PTPN5: variants seen among roughly 807,000 people sequenced by gnomAD.
The protein encoded by PTPN5 is protein tyrosine phosphatase non-receptor type 5, also known as tyrosine-protein phosphatase non-receptor type 5.
A neutral mutation model predicts 73.9 loss-of-function variants in PTPN5; 29 were observed. That is an observed-to-expected ratio of 0.39 (90% confidence interval 0.29 to 0.54). The LOEUF is 0.54. Among genes scored for constraint, PTPN5 ranks in the 20% least tolerant of loss-of-function variants. The probability of loss-of-function intolerance (pLI) is 0.65; values close to 1 mark genes in which losing one functional copy is unlikely to be tolerated. For missense variants in PTPN5, 652 were observed against 751.4 expected (o/e 0.87, Z 1.55); for synonymous variants, 267 against 304.7 (o/e 0.88, Z 1.29).
At chr11:18,756,505 C>G (rs12363243) in intron 3 of PTPN5, among the ~76,000 whole-genome samples, 47,567 of 151,566 alleles carry the variant, frequency 0.31, 8,966 homozygotes, top group Admixed American at 0.47. Context: ...CCATGTTGGC[C>G]AGGCTGGTCT....
chr11:18,729,099 TGGAGTAGCAATCACTTGCCA>T lies in PTPN5; in HGVS notation c.1605-92_1605-73del. On this transcript the variant is annotated intron_variant, in intron 14 of 14. Coordinates refer to ENST00000358540, the MANE Select transcript of PTPN5 (RefSeq NM_006906.2). The surrounding 1 kb of genome is among the most constrained non-coding windows in gnomAD (Gnocchi z 5.2). ...GCTGTGGGAGGTGCCCCAAAAGCCA[TGGAGTAGCAATCACTTGCCA>T]GGCCTTGCCCCTGTGCGTCTTGGAG... The T allele has an allele frequency of 7.9e-6, 12 of 1,516,224 alleles. No individual in the cohort carries two copies. In the South Asian group the frequency reaches 1.2e-4, roughly 15 times the overall value. 93.9% of individuals were successfully genotyped at this position (1,516,224 alleles called of 1,614,324 possible). A position where few individuals can be genotyped will look rare whatever the true frequency, so the allele number is the denominator to read the frequency against.
chr11:18,734,554 C>T (rs1849032844), intron 9 of PTPN5, among the ~76,000 whole-genome samples: 2 of 152,264 alleles, frequency 1.3e-5, no homozygotes, highest in South Asian at 4.1e-4. Context: ...AGGCTGGTCT[C>T]CAATTCCTGG....
Position 18,728,755 on chromosome 11 carries a change from T to C in PTPN5, c.*179A>G, listed in dbSNP as rs1460084206. 4 of 548,466 alleles carry C rather than the reference T, an allele frequency of 7.3e-6. No homozygotes were observed. The East Asian group carries it at 1.4e-4, about 20-fold the overall frequency. 34.0% of individuals were successfully genotyped at this position (548,466 alleles called of 1,614,324 possible). On this transcript the variant is annotated 3_prime_UTR_variant, in exon 15 of 15. Transcript: ENST00000358540. The surrounding 1 kb of genome is among the most constrained non-coding windows in gnomAD (Gnocchi z 4.1). ...CCCGACCCTGCCCCCCACTCCCCAA[T>C]ATGTACAGTAGGAAGAGCAATGCTG... is the stretch of plus-strand genomic sequence containing the variant.
Position 18,765,808 on chromosome 11 carries a change from C to G in PTPN5, c.96G>C (p.Pro32=). Residue 32 remains proline (P), a splice_region_variant and synonymous_variant, in exon 3 of 15, where the codon CCG becomes CCC. Transcript: ENST00000358540. Reference sequence around the variant, plus strand: ...GAGCTGGGTGCTGAGAAGACTCACCCGGTAGCCTCTCACTGCAGCACATGT... The same window carrying G: ...GAGCTGGGTGCTGAGAAGACTCACCGGGTAGCCTCTCACTGCAGCACATGT... The part of the protein sequence containing the change: ...ALDMCCSERL[P]GLPQPIVMEA... 1 of 1,565,960 alleles carries G rather than the reference C, an allele frequency of 6.4e-7. No homozygotes were observed. Among genetic ancestry groups the G allele is most frequent in the Non-Finnish European group, 8.7e-7 (1 of 1,153,458 alleles).
In PTPN5 at chr11:18,729,490, C is replaced by T; in HGVS notation, c.1567G>A (p.Asp523Asn). Residue 523 changes from aspartate to asparagine, a missense_variant, in exon 14 of 15, where the codon GAC becomes AAC. Around this residue, in one of 3 missense-constraint regions of PTPN5, gnomAD observed 102 missense variants for 160.5 expected, o/e 0.64. Coordinates refer to ENST00000358540, the MANE Select transcript of PTPN5 (RefSeq NM_006906.2). The surrounding 1 kb of genome is among the most constrained non-coding windows in gnomAD (Gnocchi z 5.2). Reference protein sequence around the residue: ...CQQLRQEGVVDILKTTCQLRQ... With the variant: ...CQQLRQEGVVNILKTTCQLRQ... ...AGCTGGCACGTGGTCTTCAGGATGT[C>T]CACCACACCCTCCTGCCGCAGCTGC... 1 of 1,594,276 alleles carries T rather than the reference C, an allele frequency of 6.3e-7. No homozygotes were observed.
chr11:18,728,914 A>T lies in PTPN5; in HGVS notation c.*20T>A. 1 of 1,608,924 alleles carries T rather than the reference A, an allele frequency of 6.2e-7. No homozygotes were observed. Among genetic ancestry groups the T allele is most frequent in the Non-Finnish European group, 8.5e-7 (1 of 1,177,734 alleles). ...ACTCAGGCTGGGCAGTGCCCAGAGA[A>T]CCTTGTAGGAGAAGCGCAGTCATTC... is the stretch of plus-strand genomic sequence containing the variant. On this transcript the variant is annotated 3_prime_UTR_variant, in exon 15 of 15. Coordinates refer to ENST00000358540, the MANE Select transcript of PTPN5 (RefSeq NM_006906.2). This position sits in a 1 kb window ranked among gnomAD's most constrained non-coding sequence, Gnocchi z 4.1.
chr11:18,733,492 A>G lies in PTPN5; in HGVS notation c.1080+64T>C. On this transcript the variant is annotated intron_variant, in intron 10 of 14. Coordinates refer to ENST00000358540, the MANE Select transcript of PTPN5 (RefSeq NM_006906.2). This position sits in a 1 kb window ranked among gnomAD's most constrained non-coding sequence, Gnocchi z 4.3. Reference sequence around the variant, plus strand: ...CAGACTGGTGTAGGGACAAGGCTGGAGGATGGATCCCATCGACTCAGGCCT... The same window carrying G: ...CAGACTGGTGTAGGGACAAGGCTGGGGGATGGATCCCATCGACTCAGGCCT... The G allele has an allele frequency of 6.2e-7, 1 of 1,612,662 alleles. No individual in the cohort carries two copies. The highest frequency in any genetic ancestry group is 8.5e-7 in the Non-Finnish European group (1 of 1,178,858).
chr11:18,734,162 A>G (rs1849013614), intron 9 of PTPN5, among the ~76,000 whole-genome samples: 2 of 152,228 alleles, frequency 1.3e-5, no homozygotes, highest in African/African-American at 2.4e-5. Context: ...TGTAAACTGT[A>G]AAGTGCTTTA....
chr11:18,786,278 C>G (rs1851665153), intron 1 of PTPN5, among the ~76,000 whole-genome samples: 1 of 151,918 alleles, frequency 6.6e-6, no homozygotes, highest in Non-Finnish European at 1.5e-5. Flanking sequence ...TCTCGGCTCA[C>G]TGCAAGCTCC....
Position 18,742,482 on chromosome 11 carries a change from G to T in PTPN5, c.505C>A (p.Pro169Thr). 6.2e-7 allele frequency: 1 copy of T among 1,613,674 alleles called. No homozygotes were observed. Among genetic ancestry groups the T allele is most frequent in the Non-Finnish European group, 8.5e-7 (1 of 1,179,996 alleles). ...GGCAGTGGGGTGGGTGGCTCTGGGG[G>T]TGTCCTCAGGAGGTGCCACACCTGG... ...TTLVWHLLRT[P>T]PEPPTPLPPE... The change falls in exon 7 of 15, where the codon CCC becomes ACC. Residue 169 changes from proline (P) to threonine (T), a missense_variant. This residue lies in a region of PTPN5 where 529 missense variants were observed against 573.9 expected (regional missense o/e 0.92). Coordinates refer to ENST00000358540, the MANE Select transcript of PTPN5 (RefSeq NM_006906.2). The surrounding 1 kb of genome is among the most constrained non-coding windows in gnomAD (Gnocchi z 4.1).
At chr11:18,746,162 A>AATATATATATATATATATATATAT (rs773490900) in intron 3 of PTPN5, among the ~76,000 whole-genome samples, 15 of 67,666 alleles carry the variant, frequency 2.2e-4, no homozygotes, top group African/African-American at 3.5e-4. Context: ...TATAAATATA[A>AATATATATATATATATATATATAT]ATATATATAT....
intron 8 of PTPN5, among the ~76,000 whole-genome samples, chr11:18,739,692 CCT>C (rs1158533296): frequency 1.3e-5 from 2 of 152,192 alleles, no homozygotes; most frequent in African/African-American, 2.4e-5. Flanking sequence ...CTTCTGTACC[CCT>C]GTGGCTTCTA....
chr11:18,762,221 T>C (rs4756965), intron 3 of PTPN5, among the ~76,000 whole-genome samples: 148,554 of 152,170 alleles, frequency 0.98, 72,605 homozygotes, highest in East Asian at 1. Flanking sequence ...TGCCCCCATC[T>C]GAAGGTGGGT....
chr11:18,735,420 G>T (rs1448962362), intron 9 of PTPN5, among the ~76,000 whole-genome samples: 1 of 152,138 alleles, frequency 6.6e-6, no homozygotes, highest in Non-Finnish European at 1.5e-5. Context: ...TGCAGGCAAT[G>T]CTGTTCTGTC....
At chr11:18,758,205 C>T (rs2134274781) in intron 3 of PTPN5, among the ~76,000 whole-genome samples, 1 of 152,316 alleles carries the variant, frequency 6.6e-6, no homozygotes, top group East Asian at 1.9e-4. Context: ...ATTTACTTCC[C>T]ATCCCTTGGA....
Position 18,729,005 on chromosome 11 carries a change from C to T in PTPN5, c.1627G>A (p.Glu543Lys), listed in dbSNP as rs765204293. ...QDRGGMIQTC[E>K]QYQFVHHVMS... ...ACGTGGTGCACAAACTGGTACTGCT[C>T]GCATGTCTGGATCATGCCGCCCCTG... Residue 543 changes from glutamate to lysine, a missense_variant, in exon 15 of 15, where the codon GAG (glutamate) becomes AAG (lysine). This residue lies in a region of PTPN5 where 102 missense variants were observed against 160.5 expected (regional missense o/e 0.64). Transcript: ENST00000358540. This position sits in a 1 kb window ranked among gnomAD's most constrained non-coding sequence, Gnocchi z 5.2. 2.5e-6 allele frequency: 4 copies of T among 1,613,732 alleles called. No individual in the cohort carries two copies. Among genetic ancestry groups the T allele is most frequent in the South Asian group, 1.1e-5 (1 of 91,042 alleles).
At chr11:18,783,404 C>T (rs571971019) in intron 1 of PTPN5, among the ~76,000 whole-genome samples, 3 of 152,312 alleles carry the variant, frequency 2.0e-5, no homozygotes, top group Admixed American at 6.5e-5. Context: ...AGCTGACTTG[C>T]GTGAAAATAC....
At position 18,791,586 on chromosome 11, in the gene PTPN5, G is replaced by C. The variant is rs1373425484; in HGVS notation, c.-175C>G. The C allele has an allele frequency of 3.3e-5, 5 of 153,438 alleles. No homozygotes were observed. The highest frequency in any genetic ancestry group is 1.2e-4 in the African/African-American group (5 of 41,434). The allele number at this position is 153,438 out of a possible 1,614,324, so 9.5% of individuals were successfully genotyped here. A position where few individuals can be genotyped will look rare whatever the true frequency, so the allele number is the denominator to read the frequency against. Reference sequence around the variant, plus strand: ...GGCAGGCTGGCGGGAGGATGCGCGCGCGAGTGTGCGTGTGTCTGCGTGTGT... The same window carrying C: ...GGCAGGCTGGCGGGAGGATGCGCGCCCGAGTGTGCGTGTGTCTGCGTGTGT... On this transcript the variant is annotated 5_prime_UTR_variant, in exon 1 of 15. Transcript: ENST00000358540.
chr11:18,759,012 C>T (rs1850271977), intron 3 of PTPN5, among the ~76,000 whole-genome samples: 2 of 152,266 alleles, frequency 1.3e-5, no homozygotes, highest in South Asian at 4.1e-4. Context: ...GCATAAAACA[C>T]TCCTGCCTGT....
Sources: gnomAD v4.1 joint callset for allele counts (sites outside exome capture counted in the v4.1 genomes callset) on GRCh38, gnomAD v4.1.1 for gene constraint, gnomAD v4.1.1 regional missense constraint, Gnocchi (gnomAD v3.1) non-coding constraint, MANE v1.5 for transcripts, NCBI Gene and HGNC (gene_info 2026-07-23, HGNC 2026-07-21) for gene names.